Variants in ALK observed in about 807,000 individuals in gnomAD.
ALK encodes the protein ALK receptor tyrosine kinase.
A neutral mutation model predicts 163.1 loss-of-function variants in ALK; 74 were observed. That is an observed-to-expected ratio of 0.45 (90% CI 0.38 to 0.55). The LOEUF (loss-of-function observed/expected upper bound fraction) is 0.55. Among genes scored for constraint, ALK ranks in the 20% least tolerant of loss-of-function variants. The pLI is 0.00. For missense variants in ALK, 2,063 were observed against 2,105.3 expected, an observed-to-expected ratio of 0.98 and a Z score of 0.39; for synonymous variants, 960 against 843.2, an observed-to-expected ratio of 1.14 and a Z score of -2.40.
Position 29,336,129 on chromosome 2 carries a change from C to T in ALK, c.1283-7648G>A, listed in dbSNP as rs541323520. On this transcript the variant is annotated intron_variant, in intron 5 of 28. Coordinates refer to ENST00000389048, the MANE Select transcript of ALK (RefSeq NM_004304.5). ...GGTTGAGTATCATTTCCTTGGAGGC[C>T]TGGAGATCTTGGGCTGAGATGCCTC... Among the ~76,000 whole-genome samples, 3 of 152,264 alleles carry T rather than the reference C, an allele frequency of 2.0e-5. No individual in the cohort carries two copies. The East Asian group carries it at 5.8e-4, about 29-fold the overall frequency.
At chr2:29,635,752 A>G (rs955692609) in intron 3 of ALK, among the ~76,000 whole-genome samples, 2 of 148,958 alleles carry the variant, frequency 1.3e-5, no homozygotes, top group African/African-American at 4.9e-5. Flanking sequence ...ACAAATATGC[A>G]CCACCATGCC....
chr2:29,279,507 T>G (rs1450084574), intron 9 of ALK, among the ~76,000 whole-genome samples: 1 of 151,820 alleles, frequency 6.6e-6, no homozygotes, highest in Non-Finnish European at 1.5e-5. Context: ...AGGAATGGGG[T>G]CTGTGGGTGG....
intron 4 of ALK, among the ~76,000 whole-genome samples, chr2:29,523,179 C>A (rs752813413): frequency 1.3e-5 from 2 of 152,150 alleles, no homozygotes; most frequent in Non-Finnish European, 2.9e-5. Flanking sequence ...CATCTGTGTC[C>A]TCAGGCGGTC....
At chr2:29,786,771 GTTTT>G (rs1016624179) in intron 1 of ALK, among the ~76,000 whole-genome samples, 6 of 151,968 alleles carry the variant, frequency 3.9e-5, no homozygotes, top group African/African-American at 1.4e-4. Flanking sequence ...TTCCCTGGGA[GTTTT>G]TTTTGTTTGT....
chr2:29,368,408 G>A (rs114961624), intron 5 of ALK, among the ~76,000 whole-genome samples: 2,575 of 152,260 alleles, frequency 0.017, 62 homozygotes, highest in African/African-American at 0.059. Flanking sequence ...CCCCTCATAC[G>A]TCAGCGGAAT....
chr2:29,833,039 G>T (rs984927263), intron 1 of ALK, among the ~76,000 whole-genome samples: 9 of 152,152 alleles, frequency 5.9e-5, no homozygotes, highest in African/African-American at 2.2e-4. Flanking sequence ...TGGGTGCACA[G>T]CCCAGAGAGC....
At chr2:29,548,772 C>A (rs1011290316) in intron 3 of ALK, among the ~76,000 whole-genome samples, 1 of 152,138 alleles carries the variant, frequency 6.6e-6, no homozygotes, top group Non-Finnish European at 1.5e-5. Context: ...AAGTGGGCAA[C>A]TCACTTATTT....
chr2:29,652,600 G>A (rs1677066754), intron 3 of ALK, among the ~76,000 whole-genome samples: 1 of 152,138 alleles, frequency 6.6e-6, no homozygotes, highest in Admixed American at 6.6e-5. Flanking sequence ...GAAAGACCAA[G>A]GCAGGATTAG....
intron 1 of ALK, among the ~76,000 whole-genome samples, chr2:29,828,010 C>A (rs1572413200): frequency 1.3e-5 from 2 of 152,164 alleles, no homozygotes; most frequent in African/African-American, 4.8e-5. Flanking sequence ...AGAAATAATA[C>A]CACGCATCTA....
At chr2:29,370,826 A>T (rs1668620901) in intron 5 of ALK, among the ~76,000 whole-genome samples, 1 of 152,172 alleles carries the variant, frequency 6.6e-6, no homozygotes, top group Admixed American at 6.5e-5. Context: ...TTGGCCCATC[A>T]TCCCCTAGAC....
intron 4 of ALK, among the ~76,000 whole-genome samples, chr2:29,486,017 C>T (rs549207255): frequency 2.8e-4 from 43 of 152,296 alleles, no homozygotes; most frequent in African/African-American, 8.4e-4. Context: ...GACTGCTTCC[C>T]GCCCCAGAGC....
At chr2:29,200,760 T>TATAC (rs1553389059) in intron 26 of ALK, among the ~76,000 whole-genome samples, 25 of 104,962 alleles carry the variant, frequency 2.4e-4, no homozygotes, top group Admixed American at 1.1e-3. Flanking sequence ...TACGTATATA[T>TATAC]GTATATATAT....
At chr2:29,568,001 G>A (rs183343651) in intron 3 of ALK, among the ~76,000 whole-genome samples, 127 of 152,270 alleles carry the variant, frequency 8.3e-4, no homozygotes, top group Non-Finnish European at 1.5e-3. Context: ...ATTTACCAGC[G>A]TATATACTGA....
intron 1 of ALK, among the ~76,000 whole-genome samples, chr2:29,919,049 T>C (rs944655615): frequency 2.0e-5 from 3 of 152,142 alleles, no homozygotes; most frequent in African/African-American, 7.2e-5. Flanking sequence ...AGTAAGTGCC[T>C]GCACACACAC....
intron 9 of ALK, among the ~76,000 whole-genome samples, chr2:29,290,266 C>T (rs867479098): frequency 2.6e-5 from 4 of 152,304 alleles, no homozygotes; most frequent in Admixed American, 6.5e-5. Flanking sequence ...TGCTCAGATG[C>T]GAGCCTGAGT....
chr2:29,825,614 G>A (rs1194623902), intron 1 of ALK, among the ~76,000 whole-genome samples: 1 of 152,180 alleles, frequency 6.6e-6, no homozygotes, highest in Non-Finnish European at 1.5e-5. Flanking sequence ...CCAGATTAAG[G>A]ATGATGACTT....
At chr2:29,660,687 A>AT (rs1677321105) in intron 3 of ALK, among the ~76,000 whole-genome samples, 1 of 151,706 alleles carries the variant, frequency 6.6e-6, no homozygotes, top group South Asian at 2.1e-4. Context: ...GAAAGGGGGA[A>AT]AAAGGGGTGG....
chr2:29,249,550 G>A (rs1173807392), intron 12 of ALK, among the ~76,000 whole-genome samples: 1 of 152,154 alleles, frequency 6.6e-6, no homozygotes, highest in South Asian at 2.1e-4. Flanking sequence ...CTTTGAGCCA[G>A]AGCACCCTGG....
chr2:29,739,465 G>A (rs533535408), intron 1 of ALK, among the ~76,000 whole-genome samples: 76 of 151,634 alleles, frequency 5.0e-4, no homozygotes, highest in South Asian at 3.1e-3. Context: ...GGCTGAGGCA[G>A]GAGAATTGCT....
Sources: allele counts gnomAD v4.1 joint callset (sites outside exome capture counted in the v4.1 genomes callset), GRCh38; gene constraint gnomAD v4.1.1; transcripts MANE v1.5; gene names NCBI Gene and HGNC (gene_info 2026-07-23, HGNC 2026-07-21).